Variants in LDHC observed in about 807,000 individuals in gnomAD.
LDHC encodes lactate dehydrogenase C.
LDHC carries 20 observed loss-of-function variants against 30.2 expected under a neutral mutation model. The observed-to-expected ratio is 0.66, with a 90% CI of 0.47 to 0.96. The LOEUF is 0.96. Ranked by LOEUF, LDHC falls within the 40% of genes least tolerant of loss-of-function variation. The pLI, the probability that LDHC is intolerant of heterozygous loss-of-function variation, is 0.00. For synonymous variants in LDHC, 139 were observed against 132.7 expected, an observed-to-expected ratio of 1.05 and a Z score of -0.32; for missense variants, 362 against 394.9, an observed-to-expected ratio of 0.92 and a Z score of 0.71.
rs756011979 is a variant in LDHC at position 18,434,855 on chromosome 11, G to C, written c.534G>C (p.Leu178Phe). 4 of 1,613,264 alleles carry C rather than the reference G, an allele frequency of 2.5e-6. No individual in the cohort carries two copies. The East Asian group carries it at 6.7e-5, about 27-fold the overall frequency. Residue 178 changes from leucine to phenylalanine, a missense_variant, in exon 5 of 8, where the codon TTG (leucine) becomes TTC (phenylalanine). Coordinates refer to ENST00000541669, the MANE Select transcript of LDHC (RefSeq NM_017448.5). ...ARFRYLIGEK[L>F]GVHPTSCHGW... Reference sequence around the variant, plus strand: ...TCCGTTACCTAATTGGAGAAAAGTTGGGTGTCCACCCCACAAGCTGCCATG... The same window carrying C: ...TCCGTTACCTAATTGGAGAAAAGTTCGGTGTCCACCCCACAAGCTGCCATG...
At chr11:18,422,079 A>G (rs573350035) in intron 3 of LDHC, among the ~76,000 whole-genome samples, 3 of 151,924 alleles carry the variant, frequency 2.0e-5, no homozygotes, top group Non-Finnish European at 4.4e-5. Context: ...AGCCAAGATC[A>G]CTGCCACTAT....
chr11:18,448,543 A>G (rs1198693259), intron 7 of LDHC, among the ~76,000 whole-genome samples: 1 of 152,156 alleles, frequency 6.6e-6, no homozygotes, highest in African/African-American at 2.4e-5. Flanking sequence ...TCGGCTTCCC[A>G]AAGTGCTGGG....
chr11:18,429,703 T>A (rs1297310128), intron 3 of LDHC, 34 bp from the exon 4 acceptor site: 2 of 1,350,020 alleles, frequency 1.5e-6, no homozygotes, highest in Admixed American at 3.6e-5. Context: ...TATGGTAATG[T>A]TGATCCAAAT....
intron 7 of LDHC, among the ~76,000 whole-genome samples, chr11:18,448,048 CA>C (rs1218910663): frequency 0.24 from 18,516 of 76,478 alleles, 846 homozygotes; most frequent in African/African-American, 0.3. Context: ...GACTCTGTCT[CA>C]AAAAAAAAAA....
intron 6 of LDHC, among the ~76,000 whole-genome samples, chr11:18,440,245 C>T (rs1260353735): frequency 6.6e-6 from 1 of 151,184 alleles, no homozygotes; most frequent in Non-Finnish European, 1.5e-5. Flanking sequence ...ACCTGGGAGG[C>T]GGAGGTTGCA....
chr11:18,437,707 G>A (rs111372382), intron 5 of LDHC, among the ~76,000 whole-genome samples: 20,276 of 144,122 alleles, frequency 0.14, 1,465 homozygotes, highest in Middle Eastern at 0.25. Context: ...AGCCGAGATC[G>A]CGCCACTGCA....
intron 7 of LDHC, among the ~76,000 whole-genome samples, chr11:18,446,801 C>G (rs1017113496): frequency 4.6e-5 from 7 of 152,140 alleles, no homozygotes; most frequent in African/African-American, 1.7e-4. Flanking sequence ...GGCTTAGATC[C>G]TATAATACCT....
At chr11:18,445,192 ATT>A (rs112115655) in intron 6 of LDHC, among the ~76,000 whole-genome samples, 2 of 145,700 alleles carry the variant, frequency 1.4e-5, no homozygotes, top group African/African-American at 2.5e-5. Flanking sequence ...GCTAGTAACA[ATT>A]TTTTTTTTTT....
chr11:18,442,852 G>A (rs1848490894), intron 6 of LDHC, among the ~76,000 whole-genome samples: 1 of 151,718 alleles, frequency 6.6e-6, no homozygotes, highest in Non-Finnish European at 1.5e-5. Flanking sequence ...TAGTACAGAT[G>A]GGGTTTCACC....
At chr11:18,450,851 C>G in intron 7 of LDHC, 112 bp from the exon 8 acceptor site, 1 of 728,562 alleles carries the variant, frequency 1.4e-6, no homozygotes, top group Non-Finnish European at 2.2e-6. Flanking sequence ...ACCCTCTGAG[C>G]GATTCTTGTT....
chr11:18,412,525 T>A (rs756437875), intron 1 of LDHC, 117 bp downstream of exon 1: 25 of 534,242 alleles, frequency 4.7e-5, no homozygotes, highest in Admixed American at 1.7e-4. Context: ...AAAAGCCCGC[T>A]GGTGCCCCAG....
At chr11:18,424,083 C>A (rs1287705175) in intron 3 of LDHC, among the ~76,000 whole-genome samples, 1 of 151,476 alleles carries the variant, frequency 6.6e-6, no homozygotes, top group African/African-American at 2.4e-5. Context: ...TGTAGTAAAA[C>A]CAGTTAAAAA....
At chr11:18,414,692 G>A (rs1195664482) in intron 2 of LDHC, among the ~76,000 whole-genome samples, 3 of 152,132 alleles carry the variant, frequency 2.0e-5, no homozygotes, top group Non-Finnish European at 4.4e-5. Flanking sequence ...GCCGGACATG[G>A]TGGCGGGCGC....
At chr11:18,417,711 A>C (rs937022093) in intron 3 of LDHC, among the ~76,000 whole-genome samples, 8 of 152,162 alleles carry the variant, frequency 5.3e-5, no homozygotes, top group Non-Finnish European at 8.8e-5. Context: ...ATTTTTAAAC[A>C]ATTTGCTTTT....
intron 6 of LDHC, among the ~76,000 whole-genome samples, chr11:18,441,299 C>A (rs535102678): frequency 3.0e-4 from 46 of 151,914 alleles, no homozygotes; most frequent in African/African-American, 1.1e-3. Context: ...ATATCAGTAT[C>A]TTCTTTAGAA....
In LDHC at chr11:18,451,131, A is replaced by G. The variant is rs778962270; in HGVS notation, c.*4A>G. 6.8e-7 allele frequency: 1 copy of G among 1,481,268 alleles called. No individual in the cohort carries two copies. Among genetic ancestry groups the G allele is most frequent in the Non-Finnish European group, 9.0e-7 (1 of 1,115,364 alleles). The allele number at this position is 1,481,268 out of a possible 1,614,324, so 91.8% of individuals were successfully genotyped here. ...TCAAAAGGATCTAATATTTTAAATTAAAGCCTTCTAATGTTCCACTGTTTG... is the reference window on the plus strand; with the variant it reads ...TCAAAAGGATCTAATATTTTAAATTGAAGCCTTCTAATGTTCCACTGTTTG... On this transcript the variant is annotated 3_prime_UTR_variant, in exon 8 of 8. Coordinates refer to ENST00000541669, the MANE Select transcript of LDHC (RefSeq NM_017448.5).
intron 5 of LDHC, among the ~76,000 whole-genome samples, chr11:18,438,323 T>C (rs1179986427): frequency 6.6e-6 from 1 of 152,166 alleles, no homozygotes; most frequent in Non-Finnish European, 1.5e-5. Flanking sequence ...CAGGAGATGA[T>C]GCTAAGCTAT....
intron 3 of LDHC, among the ~76,000 whole-genome samples, chr11:18,425,472 C>T (rs950916448): frequency 6.6e-6 from 1 of 152,024 alleles, no homozygotes; most frequent in African/African-American, 2.4e-5. Context: ...TCTCTGCCTC[C>T]CAGGTTCAAG....
At chr11:18,434,963 A>G in intron 5 of LDHC, 50 bp downstream of exon 5, 1 of 1,271,478 alleles carries the variant, frequency 7.9e-7, no homozygotes, top group Non-Finnish European at 1.1e-6. Context: ...TATCTCTACT[A>G]GTGCTTATTT....
Sources: gnomAD v4.1 joint callset for allele counts (sites outside exome capture counted in the v4.1 genomes callset) on GRCh38, gnomAD v4.1.1 for gene constraint, MANE v1.5 for transcripts, NCBI Gene and HGNC (gene_info 2026-07-23, HGNC 2026-07-21) for gene names.